ANXA13: variants seen among roughly 807,000 people sequenced by gnomAD.
ANXA13 encodes the protein annexin XIII.
In ANXA13, 36 loss-of-function variants were observed where a neutral mutation model predicts 46.6. That is an observed-to-expected ratio of 0.77 (90% CI 0.59 to 1.02). The LOEUF (loss-of-function observed/expected upper bound fraction) is 1.02. ANXA13 is among the 50% of genes least tolerant of loss of function. ANXA13 has a pLI of 0.00. For missense variants in ANXA13, 417 were observed against 396.5 expected (o/e 1.05, Z -0.44); for synonymous variants, 163 against 152.9 (o/e 1.07, Z -0.49).
chr8:123,712,754 CT>C lies in ANXA13; in HGVS notation c.16-2del. 1 of 1,614,036 alleles carries C rather than the reference CT, an allele frequency of 6.2e-7. No homozygotes were observed. The highest frequency in any genetic ancestry group is 1.1e-5 in the South Asian group (1 of 91,076). On this transcript the variant is annotated splice_acceptor_variant, in intron 1 of 10. Coordinates refer to ENST00000419625, the MANE Select transcript of ANXA13 (RefSeq NM_004306.4). LOFTEE classifies it high-confidence loss of function. Reference sequence around the variant, plus strand: ...AACCCTGAGGACTGCTCGCTTTAGCCTGGAGAAAATAATTGAAAAGGTGAGA... The same window carrying C: ...AACCCTGAGGACTGCTCGCTTTAGCCGGAGAAAATAATTGAAAAGGTGAGA...
At chr8:123,724,122 G>A (rs1255470820) in intron 1 of ANXA13, among the ~76,000 whole-genome samples, 1 of 152,148 alleles carries the variant, frequency 6.6e-6, no homozygotes, top group South Asian at 2.1e-4. Flanking sequence ...AATGAAAAGA[G>A]GAACAGTAAA....
intron 10 of ANXA13, among the ~76,000 whole-genome samples, chr8:123,684,220 G>C (rs1018410634): frequency 6.6e-6 from 1 of 152,176 alleles, no homozygotes; most frequent in Non-Finnish European, 1.5e-5. Context: ...TTAAGGAAAG[G>C]CCTCACTCAG....
At chr8:123,712,053 C>T (rs1192059913) in intron 2 of ANXA13, 6 of 154,678 alleles carry the variant, frequency 3.9e-5, no homozygotes, top group Admixed American at 3.8e-4. Context: ...ACCCAAATCT[C>T]ATCTTGAATC....
chr8:123,698,503 CA>C lies in ANXA13; in HGVS notation c.242del (p.Leu81TrpfsTer19). On this transcript the variant is annotated frameshift_variant, in exon 4 of 11. Coordinates refer to ENST00000419625, the MANE Select transcript of ANXA13 (RefSeq NM_004306.4). LOFTEE classifies it high-confidence loss of function. ...ELSGNFEKTA[L>X]ALLDRPSEYA... ...ACTCGCTGGGACGGTCCAGAAGGGCCAACGCTGTCTTCTCGAAGTTTCCACT... is the reference window on the plus strand; with the variant it reads ...ACTCGCTGGGACGGTCCAGAAGGGCCACGCTGTCTTCTCGAAGTTTCCACT... 1 of 1,614,240 alleles carries C rather than the reference CA, an allele frequency of 6.2e-7. No homozygotes were observed. The highest frequency in any genetic ancestry group is 2.2e-5 in the East Asian group (1 of 44,882).
At chr8:123,702,534 T>C in intron 3 of ANXA13, 108 bp downstream of exon 3, 1 of 852,738 alleles carries the variant, frequency 1.2e-6, no homozygotes, top group Non-Finnish European at 1.9e-6. Flanking sequence ...CCTCCTGGGC[T>C]GACTCAATAA....
At chr8:123,694,494 G>A (rs1441321251) in intron 6 of ANXA13, among the ~76,000 whole-genome samples, 3 of 152,194 alleles carry the variant, frequency 2.0e-5, no homozygotes, top group African/African-American at 7.2e-5. Flanking sequence ...TGCCTTGGGG[G>A]ACTGTGTGGA....
chr8:123,731,773 A>G (rs1250996521), intron 1 of ANXA13, among the ~76,000 whole-genome samples: 1 of 152,094 alleles, frequency 6.6e-6, no homozygotes, highest in Non-Finnish European at 1.5e-5. Context: ...ACTTGGGGGT[A>G]TGGGGGTGCT....
chr8:123,733,820 G>C (rs1814186399), intron 1 of ANXA13, among the ~76,000 whole-genome samples: 2 of 152,184 alleles, frequency 1.3e-5, no homozygotes, highest in South Asian at 4.1e-4. Flanking sequence ...AATTAATTCA[G>C]ACTCTAGGGC....
At chr8:123,698,764 G>T (rs1001418105) in intron 3 of ANXA13, among the ~76,000 whole-genome samples, 1 of 152,176 alleles carries the variant, frequency 6.6e-6, no homozygotes, top group Non-Finnish European at 1.5e-5. Context: ...GCAGAGAGGA[G>T]CTCCCTGCTC....
At chr8:123,710,232 T>C (rs1813629785) in intron 2 of ANXA13, among the ~76,000 whole-genome samples, 1 of 152,190 alleles carries the variant, frequency 6.6e-6, no homozygotes, top group African/African-American at 2.4e-5. Context: ...CTATCACTTG[T>C]TTTTGTAAAA....
chr8:123,733,707 G>A (rs954694653), intron 1 of ANXA13, among the ~76,000 whole-genome samples: 1 of 152,208 alleles, frequency 6.6e-6, no homozygotes, highest in Non-Finnish European at 1.5e-5. Flanking sequence ...CTTCTTGAAA[G>A]GTTAGCCATA....
At chr8:123,731,664 G>A (rs1209824818) in intron 1 of ANXA13, among the ~76,000 whole-genome samples, 2 of 151,986 alleles carry the variant, frequency 1.3e-5, no homozygotes, top group Non-Finnish European at 1.5e-5. Flanking sequence ...CTTGAGCCCC[G>A]GAGTTCTAGA....
At chr8:123,702,770 G>A in intron 2 of ANXA13, 34 bp from the exon 3 acceptor site, 1 of 1,573,254 alleles carries the variant, frequency 6.4e-7, no homozygotes, top group Non-Finnish European at 8.8e-7. Flanking sequence ...AAGCCACAGT[G>A]AATAAGAAAC....
rs761876677 is a variant in ANXA13, at chr8:123,737,349, G to C, written c.-15C>G. ...CGATTGCCCATTTTCCTTTTTCTGA[G>C]ATGGTTTTTCTGTATTTCATCAAGA... is the stretch of plus-strand genomic sequence containing the variant. On this transcript the variant is annotated 5_prime_UTR_variant, in exon 1 of 11. In the 5' UTR this introduces an upstream ATG that the reference lacks. Transcript: ENST00000419625. 4 of 1,610,652 alleles carry C rather than the reference G, an allele frequency of 2.5e-6. No individual in the cohort carries two copies. The highest frequency in any genetic ancestry group is 2.5e-6 in the Non-Finnish European group (3 of 1,177,926).
intron 8 of ANXA13, among the ~76,000 whole-genome samples, chr8:123,689,386 T>A (rs1813193342): frequency 6.6e-6 from 1 of 151,866 alleles, no homozygotes; most frequent in African/African-American, 2.4e-5. Context: ...GTGGTTATGA[T>A]CATCTGACAT....
At chr8:123,736,005 G>C (rs1448490254) in intron 1 of ANXA13, 1 of 957,784 alleles carries the variant, frequency 1.0e-6, no homozygotes, top group Non-Finnish European at 1.4e-6. Context: ...GATTATTCCT[G>C]GGGTCCTCTG....
chr8:123,733,524 C>T (rs1262256439), intron 1 of ANXA13, among the ~76,000 whole-genome samples: 2 of 152,180 alleles, frequency 1.3e-5, no homozygotes, highest in Admixed American at 6.5e-5. Flanking sequence ...AAACTGTTCT[C>T]CACTGGAGAC....
At chr8:123,735,676 A>C in intron 1 of ANXA13, 1 of 1,445,790 alleles carries the variant, frequency 6.9e-7, no homozygotes, top group Middle Eastern at 2.6e-4. Context: ...CCAACATGAC[A>C]GATCACTGGG....
rs182353175 is a variant in ANXA13, at chr8:123,711,908, C to T, written c.91+770G>A. The T allele has an allele frequency of 1.6e-3, 237 of 152,680 alleles. 1 individual carries two copies. Among genetic ancestry groups the T allele is most frequent in the Middle Eastern group, 3.4e-3 (1 of 298 alleles). 9.5% of individuals were successfully genotyped at this position (152,680 alleles called of 1,614,324 possible). A position where few individuals can be genotyped will look rare whatever the true frequency, so the allele number is the denominator to read the frequency against. Reference sequence around the variant, plus strand: ...GATTACAGGCGTGAGCCACTGTGCCCGGCCGATCTACTTCTACATGCTGCT... The same window carrying T: ...GATTACAGGCGTGAGCCACTGTGCCTGGCCGATCTACTTCTACATGCTGCT... On this transcript the variant is annotated intron_variant, in intron 2 of 10. Transcript: ENST00000419625.
Sources: allele counts gnomAD v4.1 joint callset (sites outside exome capture counted in the v4.1 genomes callset), GRCh38; gene constraint gnomAD v4.1.1; transcripts MANE v1.5; gene names NCBI Gene and HGNC (gene_info 2026-07-23, HGNC 2026-07-21).